The following PRTN3 variants were observed in gnomAD, a reference collection of about 807,000 sequenced individuals.
PRTN3 encodes the protein myeloblastin.
Under a neutral mutation model 20.7 loss-of-function variants are expected in PRTN3, and 22 were observed. The observed-to-expected ratio is 1.06, with a 90% CI of 0.76 to 1.52. The LOEUF (loss-of-function observed/expected upper bound fraction) is 1.52. Ranked by LOEUF, PRTN3 falls within the 40% of genes most tolerant of loss-of-function variation. The pLI is 0.00. For synonymous variants in PRTN3, 173 were observed against 152.9 expected, an observed-to-expected ratio of 1.13 and a Z score of -0.97; for missense variants, 378 against 359.6, an observed-to-expected ratio of 1.05 and a Z score of -0.41.
In PRTN3 at chr19:846,303, A is replaced by T; in HGVS notation, c.526A>T (p.Thr176Ser). The T allele has an allele frequency of 6.3e-7, 1 of 1,593,144 alleles. No individual in the cohort carries two copies. The highest frequency in any genetic ancestry group is 8.5e-7 in the Non-Finnish European group (1 of 1,170,482). Reference protein sequence around the residue: ...PAQVLQELNVTVVTFFCRPHN... With the variant: ...PAQVLQELNVSVVTFFCRPHN... ...CCAGGTCCTGCAGGAGCTCAATGTC[A>T]CCGTGGTCACCTTCTTCTGCCGGCC... The change falls in exon 4 of 5, where the codon ACC (threonine) becomes TCC (serine). Residue 176 changes from threonine (T) to serine (S), a missense_variant. Coordinates refer to ENST00000234347, the MANE Select transcript of PRTN3 (RefSeq NM_002777.4).
In PRTN3 at chr19:845,081, G is replaced by T. The variant is rs1306074165; in HGVS notation, c.369+1047G>T. The stretch of plus-strand genomic sequence containing the variant: ...TCCTGCCTCAGCCTCCTGAGTAGCT[G>T]GGATTACAGGCATGCACCAACACGC... On this transcript the variant is annotated intron_variant, in intron 3 of 4. Transcript: ENST00000234347. Among the ~76,000 whole-genome samples, 6 of 151,402 alleles carry T rather than the reference G, an allele frequency of 4.0e-5. No homozygotes were observed. In the East Asian group the frequency reaches 9.7e-4, roughly 25 times the overall value.
chr19:843,264 G>A, intron 1 of PRTN3, 197 bp from the exon 2 acceptor site: 1 of 586,956 alleles, frequency 1.7e-6, no homozygotes, highest in Non-Finnish European at 3.0e-6. Flanking sequence ...ACTGAAAGCT[G>A]CCACCAGGGC....
At chr19:847,558 AG>A (rs879656658) in intron 4 of PRTN3, among the ~76,000 whole-genome samples, 12,258 of 90,894 alleles carry the variant, frequency 0.13, 685 homozygotes, top group African/African-American at 0.24. Context: ...AAAAAGAAAG[AG>A]AGAGAGAGAG....
chr19:847,786 C>T lies in PRTN3; in HGVS notation c.601-13C>T, dbSNP rs1433111664. 6.2e-7 allele frequency: 1 copy of T among 1,602,718 alleles called. No homozygotes were observed. Among genetic ancestry groups the T allele is most frequent in the Non-Finnish European group, 8.5e-7 (1 of 1,173,886 alleles). On this transcript the variant is annotated splice_polypyrimidine_tract_variant and intron_variant, in intron 4 of 4. Transcript: ENST00000234347. Reference sequence around the variant, plus strand: ...TGGCCCCTGATGGGTGACTGGCCGTCCCTGTCCTCCAGGGAGACTCAGGTG... The same window carrying T: ...TGGCCCCTGATGGGTGACTGGCCGTTCCTGTCCTCCAGGGAGACTCAGGTG...
At chr19:841,395 T>TATAC (rs1254963226) in intron 1 of PRTN3, among the ~76,000 whole-genome samples, 1 of 152,180 alleles carries the variant, frequency 6.6e-6, no homozygotes, top group East Asian at 1.9e-4. Flanking sequence ...GCTCAGTGAA[T>TATAC]ATGCATGAAT....
chr19:845,030 C>T (rs1272385915), intron 3 of PRTN3, among the ~76,000 whole-genome samples: 1 of 151,230 alleles, frequency 6.6e-6, no homozygotes, highest in South Asian at 2.1e-4. Context: ...TCACTGCCAC[C>T]TCTGCCTTCC....
At chr19:842,583 C>A (rs2035459928) in intron 1 of PRTN3, among the ~76,000 whole-genome samples, 1 of 74,758 alleles carries the variant, frequency 1.3e-5, no homozygotes, top group African/African-American at 8.2e-5. Context: ...CCACACCTGG[C>A]TAATTTTTTT....
intron 3 of PRTN3, among the ~76,000 whole-genome samples, chr19:845,135 A>G (rs2145130281): frequency 6.6e-6 from 1 of 151,808 alleles, no homozygotes; most frequent in South Asian, 2.1e-4. Flanking sequence ...TTTAGTAGAG[A>G]CGGTGTTTTG....
intron 1 of PRTN3, among the ~76,000 whole-genome samples, chr19:842,214 T>TG (rs1312663626): frequency 6.6e-6 from 1 of 150,766 alleles, no homozygotes; most frequent in African/African-American, 2.4e-5. Context: ...TTAGTAGAGA[T>TG]GGGGTTTCAC....
chr19:843,359 A>T lies in PRTN3; in HGVS notation c.62-102A>T, dbSNP rs1024647550. On this transcript the variant is annotated intron_variant, in intron 1 of 4. Transcript: ENST00000234347. ...AGCCAGCAGGCACTGACCGGGTTGC[A>T]GATCGGGAGACGGAGGCTCGGAGAG... 3.9e-6 allele frequency: 5 copies of T among 1,277,458 alleles called. No homozygotes were observed. In the African/African-American group the frequency reaches 4.6e-5, roughly 12 times the overall value. The allele number at this position is 1,277,458 out of a possible 1,614,324, so 79.1% of individuals were successfully genotyped here. A position where few individuals can be genotyped will look rare whatever the true frequency, so the allele number is the denominator to read the frequency against.
At chr19:843,857 C>T (rs762152239) in intron 2 of PRTN3, 36 bp from the exon 3 acceptor site, 3 of 1,555,468 alleles carry the variant, frequency 1.9e-6, no homozygotes, top group Non-Finnish European at 1.7e-6. Context: ...CGGCGAGTGT[C>T]CAGGGCGCCG....
Position 847,446 on chromosome 19 carries a change from AAAAACAAAAC to A in PRTN3, c.601-338_601-329del, listed in dbSNP as rs773156569. Among the ~76,000 whole-genome samples, 6 of 152,016 alleles carry A rather than the reference AAAAACAAAAC, an allele frequency of 3.9e-5. No individual in the cohort carries two copies. The South Asian group carries it at 8.3e-4, about 21-fold the overall frequency. Reference sequence around the variant, plus strand: ...AGCGAGACTCTGTCGCAAACAAAACAAAAACAAAACAAAACAAAACAAAAGGAGAAAGAAA... The same window carrying A: ...AGCGAGACTCTGTCGCAAACAAAACAAAAACAAAACAAAAGGAGAAAGAAA... On this transcript the variant is annotated intron_variant, in intron 4 of 4. Transcript: ENST00000234347.
intron 4 of PRTN3, among the ~76,000 whole-genome samples, chr19:847,549 AAAAGAAAGAG>A (rs1568300998): frequency 3.1e-4 from 39 of 127,802 alleles, no homozygotes; most frequent in Admixed American, 8.8e-4. Flanking sequence ...GAAAGAAAGA[AAAAGAAAGAG>A]AGAGAGAGAG....
At chr19:842,566 C>G (rs1285168448) in intron 1 of PRTN3, among the ~76,000 whole-genome samples, 1 of 143,960 alleles carries the variant, frequency 6.9e-6, no homozygotes, top group Non-Finnish European at 1.5e-5. Context: ...ATTACAGGTG[C>G]GAACCACCAC....
chr19:842,727 A>G (rs1258550365), intron 1 of PRTN3, among the ~76,000 whole-genome samples: 1 of 150,940 alleles, frequency 6.6e-6, no homozygotes, highest in Non-Finnish European at 1.5e-5. Flanking sequence ...AGCTGGGACT[A>G]CAGGCACGTG....
intron 1 of PRTN3, among the ~76,000 whole-genome samples, chr19:842,266 A>AT (rs374018871): frequency 5.9e-4 from 84 of 141,186 alleles, no homozygotes; most frequent in Middle Eastern, 8.5e-3. Context: ...CCTGAGGGGG[A>AT]TTTTCAATGC....
intron 4 of PRTN3, among the ~76,000 whole-genome samples, chr19:847,525 G>GAGAAA (rs2035532411): frequency 6.8e-6 from 1 of 147,744 alleles, no homozygotes; most frequent in Admixed American, 6.8e-5. Context: ...AAGAAAAAGA[G>GAGAAA]AGAAAGAAAG....
chr19:844,065 G>A, intron 3 of PRTN3, 31 bp downstream of exon 3: 1 of 1,581,410 alleles, frequency 6.3e-7, no homozygotes, highest in Non-Finnish European at 8.6e-7. Context: ...GGGCTCGGAG[G>A]GGCACGGCCA....
chr19:846,358 G>A lies in PRTN3; in HGVS notation c.581G>A (p.Arg194His), dbSNP rs777785892. The A allele has an allele frequency of 7.1e-6, 11 of 1,557,334 alleles. No homozygotes were observed. Among genetic ancestry groups the A allele is most frequent in the South Asian group, 1.2e-5 (1 of 84,132 alleles). ...AACATTTGCACTTTCGTCCCTCGCC[G>A]CAAGGCCGGCATCTGCTTCGTAAGT... ...PHNICTFVPR[R>H]KAGICFGDSG... The change falls in exon 4 of 5, where the codon CGC (arginine) becomes CAC (histidine). Residue 194 changes from arginine to histidine, a missense_variant. Physicochemically the swap from Arg to His is conservative, Grantham distance 29. Coordinates refer to ENST00000234347, the MANE Select transcript of PRTN3 (RefSeq NM_002777.4).
Sources: gnomAD v4.1 joint callset for allele counts (sites outside exome capture counted in the v4.1 genomes callset) on GRCh38, gnomAD v4.1.1 for gene constraint, MANE v1.5 for transcripts, NCBI Gene and HGNC (gene_info 2026-07-23, HGNC 2026-07-21) for gene names.